SLC2A1: variants seen among roughly 807,000 people sequenced by gnomAD.
SLC2A1 encodes solute carrier family 2 member 1.
SLC2A1 carries 4 observed loss-of-function variants against 46.6 expected under a neutral mutation model. That is an observed-to-expected ratio of 0.09 (90% CI 0.04 to 0.20). The LOEUF (loss-of-function observed/expected upper bound fraction) is 0.20, where lower values mean the gene tolerates loss of function less well. Ranked by LOEUF, SLC2A1 falls within the 10% of genes least tolerant of loss-of-function variation. The pLI is 1.00. For synonymous variants in SLC2A1, 253 were observed against 270.0 expected (o/e 0.94, Z 0.62); for missense variants, 352 against 667.0 (o/e 0.53, Z 5.20).
Position 42,927,355 on chromosome 1 carries a change from T to C in SLC2A1, c.1279-114A>G, listed in dbSNP as rs1363631999. 5 of 959,192 alleles carry C rather than the reference T, an allele frequency of 5.2e-6. No homozygotes were observed. The highest frequency in any genetic ancestry group is 2.1e-4 in the Middle Eastern group (1 of 4,714). The allele number at this position is 959,192 out of a possible 1,614,324, so 59.4% of individuals were successfully genotyped here. A position where few individuals can be genotyped will look rare whatever the true frequency, so the allele number is the denominator to read the frequency against. On this transcript the variant is annotated intron_variant, in intron 9 of 9. Coordinates refer to ENST00000426263, the MANE Select transcript of SLC2A1 (RefSeq NM_006516.4). The surrounding 1 kb of genome is among the most constrained non-coding windows in gnomAD (Gnocchi z 5.3). The stretch of plus-strand genomic sequence containing the variant: ...TTGAGCTGAAAAGGGAACATCCACC[T>C]ACCCAGGGATGCTATCATAATTAAC...
chr1:42,934,057 T>C (rs1341390842), intron 2 of SLC2A1, among the ~76,000 whole-genome samples: 2 of 152,212 alleles, frequency 1.3e-5, no homozygotes, highest in African/African-American at 4.8e-5. Flanking sequence ...TTGAATTGTA[T>C]ACAAAGAAAG....
chr1:42,929,063 C>G lies in SLC2A1; in HGVS notation c.973-30G>C, dbSNP rs1251049201. The G allele has an allele frequency of 1.9e-6, 3 of 1,604,182 alleles. No homozygotes were observed. Among genetic ancestry groups the G allele is most frequent in the Non-Finnish European group, 2.6e-6 (3 of 1,172,130 alleles). ...GGGCAGAGACAGTGTCAGTGCCACCCCTGCCTAGTGCCCTTCTGAACCCAC... is the reference window on the plus strand; with the variant it reads ...GGGCAGAGACAGTGTCAGTGCCACCGCTGCCTAGTGCCCTTCTGAACCCAC... On this transcript the variant is annotated intron_variant, in intron 7 of 9. Transcript: ENST00000426263. The surrounding 1 kb of genome is among the most constrained non-coding windows in gnomAD (Gnocchi z 6.0).
chr1:42,935,104 G>A (rs983803071), intron 2 of SLC2A1, among the ~76,000 whole-genome samples: 9 of 152,274 alleles, frequency 5.9e-5, no homozygotes, highest in East Asian at 5.8e-4. Flanking sequence ...AGGGAGGAGC[G>A]GTTCTGGTTA....
rs931117574 is a variant in SLC2A1 at position 42,958,164 on chromosome 1, C to A, written c.18+470G>T. 1.5e-4 allele frequency among the ~76,000 whole-genome samples: 23 copies of A among 152,120 alleles called. No homozygotes were observed. The South Asian group carries it at 4.8e-3, about 31-fold the overall frequency. ...TAGGGGAGCAGACGGAGAGCGGGGG[C>A]GGCTCCTGACTCCTCCGCGCGCCGG... is the stretch of plus-strand genomic sequence containing the variant. On this transcript the variant is annotated intron_variant, in intron 1 of 9. Coordinates refer to ENST00000426263, the MANE Select transcript of SLC2A1 (RefSeq NM_006516.4).
Position 42,943,339 on chromosome 1 carries a change from A to G in SLC2A1, c.19-18T>C, listed in dbSNP as rs368084101. ...GTCAGCTTCTGCGGAGAAACAAACCACACTGTTATAGGCGTGTCTGGGAGC... is the reference window on the plus strand; with the variant it reads ...GTCAGCTTCTGCGGAGAAACAAACCGCACTGTTATAGGCGTGTCTGGGAGC... On this transcript the variant is annotated intron_variant, in intron 1 of 9. Coordinates refer to ENST00000426263, the MANE Select transcript of SLC2A1 (RefSeq NM_006516.4). 5.0e-6 allele frequency: 8 copies of G among 1,590,276 alleles called. No individual in the cohort carries two copies. The East Asian group carries it at 1.1e-4, about 22-fold the overall frequency.
rs894636163 is a variant in SLC2A1, at chr1:42,927,001, G to C, written c.*40C>G. 1.2e-6 allele frequency: 2 copies of C among 1,607,188 alleles called. No homozygotes were observed. Among genetic ancestry groups the C allele is most frequent in the African/African-American group, 1.3e-5 (1 of 74,764 alleles). On this transcript the variant is annotated 3_prime_UTR_variant, in exon 10 of 10. Transcript: ENST00000426263. The surrounding 1 kb of genome is among the most constrained non-coding windows in gnomAD (Gnocchi z 5.3). Reference sequence around the variant, plus strand: ...TGCCTGTGCTCCTGAGAGATCCTTAGGGCTGCTGGGAGCAGGCCGGGCTGG... The same window carrying C: ...TGCCTGTGCTCCTGAGAGATCCTTACGGCTGCTGGGAGCAGGCCGGGCTGG...
Position 42,926,837 on chromosome 1 carries a change from T to C in SLC2A1, c.*204A>G. On this transcript the variant is annotated 3_prime_UTR_variant, in exon 10 of 10. Transcript: ENST00000426263. ...AAACCTGTTGCTTGTCTGAATAGAT[T>C]TGAGCAACAGTCTTGCTTTTGTTAA... is the stretch of plus-strand genomic sequence containing the variant. The C allele has an allele frequency of 2.0e-6, 3 of 1,484,190 alleles. No individual in the cohort carries two copies. The highest frequency in any genetic ancestry group is 2.7e-6 in the Non-Finnish European group (3 of 1,122,898). 91.9% of individuals were successfully genotyped at this position (1,484,190 alleles called of 1,614,324 possible). A position where few individuals can be genotyped will look rare whatever the true frequency, so the allele number is the denominator to read the frequency against.
At chr1:42,956,788 A>C (rs534899311) in intron 1 of SLC2A1, among the ~76,000 whole-genome samples, 3 of 152,326 alleles carry the variant, frequency 2.0e-5, no homozygotes, top group African/African-American at 7.2e-5. Flanking sequence ...CCTTCTGCCC[A>C]AAATTCAAGA....
At chr1:42,933,282 T>C (rs1643510797) in intron 2 of SLC2A1, among the ~76,000 whole-genome samples, 1 of 152,142 alleles carries the variant, frequency 6.6e-6, no homozygotes. Flanking sequence ...CCAATCTCCC[T>C]ACCTACCACA....
chr1:42,950,678 A>G (rs992424661), intron 1 of SLC2A1, among the ~76,000 whole-genome samples: 1 of 152,202 alleles, frequency 6.6e-6, no homozygotes, highest in Admixed American at 6.5e-5. Flanking sequence ...TGACCTTAAA[A>G]AAGTCCTTTC....
At chr1:42,939,006 G>A (rs577893444) in intron 2 of SLC2A1, among the ~76,000 whole-genome samples, 1 of 152,244 alleles carries the variant, frequency 6.6e-6, no homozygotes, top group Non-Finnish European at 1.5e-5. Context: ...GGGCCAGCAT[G>A]TGCCTGCTGT....
At chr1:42,953,836 C>G (rs1039554542) in intron 1 of SLC2A1, among the ~76,000 whole-genome samples, 2 of 152,150 alleles carry the variant, frequency 1.3e-5, no homozygotes, top group African/African-American at 4.8e-5. Context: ...CTGGATGGCT[C>G]GGTACTAGAC....
Position 42,927,059 on chromosome 1 carries a change from C to A in SLC2A1, c.1461G>T (p.Gly487=), listed in dbSNP as rs1410491159. 1.2e-6 allele frequency: 2 copies of A among 1,614,080 alleles called. No individual in the cohort carries two copies. The highest frequency in any genetic ancestry group is 1.7e-5 in the Admixed American group (1 of 60,014). ...GGGCGACTCACACTTGGGAATCAGC[C>A]CCCAGGGGATGGAACAGCTCCTCGG... ...KTPEELFHPL[G]ADSQV The change falls in exon 10 of 10, where the codon GGG becomes GGT. Residue 487 remains glycine, a synonymous_variant. Coordinates refer to ENST00000426263, the MANE Select transcript of SLC2A1 (RefSeq NM_006516.4). The surrounding 1 kb of genome is among the most constrained non-coding windows in gnomAD (Gnocchi z 5.3).
chr1:42,958,725 G>T lies in SLC2A1; in HGVS notation c.-74C>A. The T allele has an allele frequency of 2.7e-6, 4 of 1,465,294 alleles. No individual in the cohort carries two copies. Among genetic ancestry groups the T allele is most frequent in the South Asian group, 1.2e-5 (1 of 81,596 alleles). 90.8% of individuals were successfully genotyped at this position (1,465,294 alleles called of 1,614,324 possible). A position where few individuals can be genotyped will look rare whatever the true frequency, so the allele number is the denominator to read the frequency against. Reference sequence around the variant, plus strand: ...ACGGGCGTGCGAGCGGCGCTCTCCCGCTCAGGCTCGTGCTCCGGTCCGGGG... The same window carrying T: ...ACGGGCGTGCGAGCGGCGCTCTCCCTCTCAGGCTCGTGCTCCGGTCCGGGG... On this transcript the variant is annotated 5_prime_UTR_variant, in exon 1 of 10. Transcript: ENST00000426263.
At position 42,929,461 on chromosome 1, in the gene SLC2A1, C is replaced by T. The variant is rs374308595; in HGVS notation, c.867+132G>A. The stretch of plus-strand genomic sequence containing the variant: ...GGGACACTGCACTGCAGTGACCTTA[C>T]GGGCTTGGGGTCTAAAGGGAAACTT... On this transcript the variant is annotated intron_variant, in intron 6 of 9. Coordinates refer to ENST00000426263, the MANE Select transcript of SLC2A1 (RefSeq NM_006516.4). The surrounding 1 kb of genome is among the most constrained non-coding windows in gnomAD (Gnocchi z 6.0). The T allele has an allele frequency of 1.6e-5, 18 of 1,122,862 alleles. No individual in the cohort carries two copies. Among genetic ancestry groups the T allele is most frequent in the South Asian group, 3.9e-5 (3 of 77,170 alleles). The allele number at this position is 1,122,862 out of a possible 1,614,324, so 69.6% of individuals were successfully genotyped here. A position where few individuals can be genotyped will look rare whatever the true frequency, so the allele number is the denominator to read the frequency against.
chr1:42,932,577 C>T (rs866737624), intron 2 of SLC2A1, among the ~76,000 whole-genome samples: 1 of 152,190 alleles, frequency 6.6e-6, no homozygotes, highest in Non-Finnish European at 1.5e-5. Flanking sequence ...AACACCCCTC[C>T]GTGTGTGTGC....
At chr1:42,935,403 T>C (rs1295229713) in intron 2 of SLC2A1, among the ~76,000 whole-genome samples, 1 of 152,190 alleles carries the variant, frequency 6.6e-6, no homozygotes, top group African/African-American at 2.4e-5. Flanking sequence ...TGGGTGAGAC[T>C]ACATGTCTGC....
chr1:42,930,470 G>A lies in SLC2A1; in HGVS notation c.516+156C>T. 1.0e-6 allele frequency: 1 copy of A among 978,548 alleles called. No homozygotes were observed. The highest frequency in any genetic ancestry group is 1.6e-6 in the Non-Finnish European group (1 of 624,668). The allele number at this position is 978,548 out of a possible 1,614,324, so 60.6% of individuals were successfully genotyped here. On this transcript the variant is annotated intron_variant, in intron 4 of 9. Transcript: ENST00000426263. The surrounding 1 kb of genome is among the most constrained non-coding windows in gnomAD (Gnocchi z 6.2). Reference sequence around the variant, plus strand: ...TCTTGCTGTCAACTGGGAGGCCATGGTGCTGTGTTCTCTGGACCTGTGTAC... The same window carrying A: ...TCTTGCTGTCAACTGGGAGGCCATGATGCTGTGTTCTCTGGACCTGTGTAC...
chr1:42,956,270 G>A (rs374879786), intron 1 of SLC2A1, among the ~76,000 whole-genome samples: 17 of 152,108 alleles, frequency 1.1e-4, no homozygotes, highest in African/African-American at 3.9e-4. Context: ...AAATACAGCC[G>A]GGCGTGGTGG....
Sources: gnomAD v4.1 joint callset for allele counts (sites outside exome capture counted in the v4.1 genomes callset) on GRCh38, gnomAD v4.1.1 for gene constraint, Gnocchi (gnomAD v3.1) non-coding constraint, MANE v1.5 for transcripts, NCBI Gene and HGNC (gene_info 2026-07-23, HGNC 2026-07-21) for gene names.